EN2: variants seen among roughly 807,000 people sequenced by gnomAD.
EN2 encodes engrailed homeobox 2, also known as homeobox protein engrailed-2.
In EN2, 7 loss-of-function variants were observed where a neutral mutation model predicts 25.0. The ratio of observed to expected loss-of-function variants is 0.28; its 90% CI spans 0.16 to 0.53. The LOEUF is 0.53. Among genes scored for constraint, EN2 ranks in the 20% least tolerant of loss-of-function variants. The pLI, the probability that EN2 is intolerant of heterozygous loss-of-function variation, is 0.96. For synonymous variants in EN2, 277 were observed against 243.3 expected, an observed-to-expected ratio of 1.14 and a Z score of -1.29; for missense variants, 524 against 501.8, an observed-to-expected ratio of 1.04 and a Z score of -0.42.
rs778233183 is a variant in EN2, at chr7:155,462,403, C to G, written c.718C>G (p.Pro240Ala). 6.2e-7 allele frequency: 1 copy of G among 1,612,098 alleles called. No homozygotes were observed. The highest frequency in any genetic ancestry group is 1.1e-5 in the South Asian group (1 of 90,830). ...PRSRKPKKKN[P>A]NKEDKRPRTA... ...GTCTCGAAAACCAAAGAAGAAGAAC[C>G]CGAACAAAGAGGACAAGCGGCCGCG... Residue 240 changes from proline to alanine, a missense_variant, in exon 2 of 2, where the codon CCG becomes GCG. By Grantham distance (27) the Pro-to-Ala change is conservative. Coordinates refer to ENST00000297375, the MANE Select transcript of EN2 (RefSeq NM_001427.4).
At position 155,463,477 on chromosome 7, in the gene EN2, CTCCTCCTCCTTCCT is replaced by C. The variant is rs926736266; in HGVS notation, c.*801_*814del. ...CTCCTTTCTTCTTCTTTTTCTTCTC[CTCCTCCTCCTTCCT>C]TCCTCCTCCTCCTTCTCTTTCCTCC... On this transcript the variant is annotated 3_prime_UTR_variant, in exon 2 of 2. Transcript: ENST00000297375. 6.5e-6 allele frequency: 1 copy of C among 152,936 alleles called. No individual in the cohort carries two copies. Among genetic ancestry groups the C allele is most frequent in the African/African-American group, 2.4e-5 (1 of 41,094 alleles). 9.5% of individuals were successfully genotyped at this position (152,936 alleles called of 1,614,324 possible).
Position 155,458,548 on chromosome 7 carries a change from C to G in EN2, c.171C>G (p.Pro57=), listed in dbSNP as rs199573836. ...TGCTGCCCGCGGTCCTGCAGGCGCC[C>G]GGCAACCACCAGCACCCGCACCGCA... ...ALMLPAVLQA[P]GNHQHPHRIT... The change falls in exon 1 of 2, where the codon CCC becomes CCG. Residue 57 remains proline (P), a synonymous_variant. Transcript: ENST00000297375. The G allele has an allele frequency of 8.5e-4, 1,199 of 1,414,706 alleles. 6 individuals are homozygous for G. The highest frequency in any genetic ancestry group is 6.0e-4 in the Non-Finnish European group (649 of 1,079,310). The allele number at this position is 1,414,706 out of a possible 1,614,324, so 87.6% of individuals were successfully genotyped here. A position where few individuals can be genotyped will look rare whatever the true frequency, so the allele number is the denominator to read the frequency against.
chr7:155,463,084 A>G lies in EN2; in HGVS notation c.*397A>G, dbSNP rs1444577842. The G allele has an allele frequency of 6.1e-6, 1 of 163,450 alleles. No homozygotes were observed. Among genetic ancestry groups the G allele is most frequent in the Non-Finnish European group, 1.3e-5 (1 of 75,828 alleles). 10.1% of individuals were successfully genotyped at this position (163,450 alleles called of 1,614,324 possible). A position where few individuals can be genotyped will look rare whatever the true frequency, so the allele number is the denominator to read the frequency against. ...AAGATTTTTTATTGCTGCATTTCAC[A>G]CAACTGTGAACCGAATAAATAGCTC... On this transcript the variant is annotated 3_prime_UTR_variant, in exon 2 of 2. Coordinates refer to ENST00000297375, the MANE Select transcript of EN2 (RefSeq NM_001427.4).
At position 155,462,615 on chromosome 7, in the gene EN2, C is replaced by T. The variant is rs56008230; in HGVS notation, c.930C>T (p.Ala310=). The T allele has an allele frequency of 7.4e-5, 119 of 1,613,630 alleles. No individual in the cohort carries two copies. Among genetic ancestry groups the T allele is most frequent in the Admixed American group, 5.3e-4 (32 of 59,930 alleles). The change falls in exon 2 of 2, where the codon GCC becomes GCT. Residue 310 remains alanine, a synonymous_variant. Coordinates refer to ENST00000297375, the MANE Select transcript of EN2 (RefSeq NM_001427.4). Reference sequence around the variant, plus strand: ...CCACGGGCAACAAGAACACGCTGGCCGTGCACCTCATGGCACAGGGCTTGT... The same window carrying T: ...CCACGGGCAACAAGAACACGCTGGCTGTGCACCTCATGGCACAGGGCTTGT... ...KKATGNKNTL[A]VHLMAQGLYN...
intron 1 of EN2, among the ~76,000 whole-genome samples, chr7:155,460,585 CATTA>C (rs1795683737): frequency 6.6e-6 from 1 of 152,168 alleles, no homozygotes; most frequent in African/African-American, 2.4e-5. Context: ...TTCATGAGTG[CATTA>C]ACAAGAGCCC....
Position 155,459,215 on chromosome 7 carries a change from C to G in EN2, c.685+153C>G, listed in dbSNP as rs540646311. ...CTCACGCGACATTGTGTGAAGCTGA[C>G]GCCGGCCCGGGCAGCGGCCAGGAGT... On this transcript the variant is annotated intron_variant, in intron 1 of 1. Transcript: ENST00000297375. Among the ~76,000 whole-genome samples, 447 of 152,256 alleles carry G rather than the reference C, an allele frequency of 2.9e-3. 6 individuals carry two copies. Among genetic ancestry groups the G allele is most frequent in the Non-Finnish European group, 3.0e-3 (201 of 67,988 alleles).
Position 155,458,945 on chromosome 7 carries a change from G to A in EN2, c.568G>A (p.Asp190Asn). The change falls in exon 1 of 2, where the codon GAC becomes AAC. Residue 190 changes from aspartate (D) to asparagine (N), a missense_variant. Transcript: ENST00000297375. ...SLKARGLGGG[D>N]LSVSSDSDSS... is the part of the protein sequence containing the mutation. Reference sequence around the variant, plus strand: ...CAAGGCCCGCGGCTTGGGCGGCGGCGACCTGTCGGTGAGCTCGGACTCGGA... The same window carrying A: ...CAAGGCCCGCGGCTTGGGCGGCGGCAACCTGTCGGTGAGCTCGGACTCGGA... 1 of 1,521,950 alleles carries A rather than the reference G, an allele frequency of 6.6e-7. No individual in the cohort carries two copies. Among genetic ancestry groups the A allele is most frequent in the South Asian group, 1.2e-5 (1 of 83,034 alleles). 94.3% of individuals were successfully genotyped at this position (1,521,950 alleles called of 1,614,324 possible). A position where few individuals can be genotyped will look rare whatever the true frequency, so the allele number is the denominator to read the frequency against.
chr7:155,458,927 CGCGGCTTGG>C lies in EN2; in HGVS notation c.556_564del (p.Leu186_Gly188del). On this transcript the variant is annotated inframe_deletion, in exon 1 of 2. Transcript: ENST00000297375. The stretch of plus-strand genomic sequence containing the variant: ...CCCCCTGGACGGGTCGCTCAAGGCC[CGCGGCTTGG>C]GCGGCGGCGACCTGTCGGTGAGCTC... 1 of 1,516,692 alleles carries C rather than the reference CGCGGCTTGG, an allele frequency of 6.6e-7. No individual in the cohort carries two copies. The highest frequency in any genetic ancestry group is 8.8e-7 in the Non-Finnish European group (1 of 1,139,620). 94.0% of individuals were successfully genotyped at this position (1,516,692 alleles called of 1,614,324 possible). A position where few individuals can be genotyped will look rare whatever the true frequency, so the allele number is the denominator to read the frequency against.
At chr7:155,461,413 A>T (rs2116602238) in intron 1 of EN2, among the ~76,000 whole-genome samples, 1 of 152,286 alleles carries the variant, frequency 6.6e-6, no homozygotes, top group African/African-American at 2.4e-5. Flanking sequence ...CCCTTTCCCC[A>T]TGGATAGCAG....
intron 1 of EN2, among the ~76,000 whole-genome samples, chr7:155,459,558 C>T (rs2116600045): frequency 6.6e-6 from 1 of 152,378 alleles, no homozygotes; most frequent in African/African-American, 2.4e-5. Flanking sequence ...CCGGTTATCC[C>T]GGCTGTGCTC....
chr7:155,458,338 G>T lies in EN2; in HGVS notation c.-40G>T, dbSNP rs370541113. On this transcript the variant is annotated 5_prime_UTR_variant, in exon 1 of 2. Coordinates refer to ENST00000297375, the MANE Select transcript of EN2 (RefSeq NM_001427.4). ...GAGGGCCGAAGGCTGATTTGGAAGG[G>T]CGTCCCCGGAGAACCAGTGTGGGAT... 1,160 of 1,279,950 alleles carry T rather than the reference G, an allele frequency of 9.1e-4. 1 individual carries two copies. Among genetic ancestry groups the T allele is most frequent in the Non-Finnish European group, 1.1e-3 (1,078 of 1,006,122 alleles). 79.3% of individuals were successfully genotyped at this position (1,279,950 alleles called of 1,614,324 possible). A position where few individuals can be genotyped will look rare whatever the true frequency, so the allele number is the denominator to read the frequency against.
chr7:155,459,737 C>T (rs1232987010), intron 1 of EN2, among the ~76,000 whole-genome samples: 1 of 152,230 alleles, frequency 6.6e-6, no homozygotes, highest in African/African-American at 2.4e-5. Flanking sequence ...GGGCTCAGCC[C>T]CCTTCCTGCA....
rs367924841 is a variant in EN2 at position 155,462,674 on chromosome 7, C to G, written c.989C>G (p.Ser330Trp). The G allele has an allele frequency of 2.4e-5, 38 of 1,585,836 alleles. No homozygotes were observed. Among genetic ancestry groups the G allele is most frequent in the Admixed American group, 3.6e-5 (2 of 55,122 alleles). The change falls in exon 2 of 2, where the codon TCG (serine) becomes TGG (tryptophan). Residue 330 changes from serine to tryptophan, a missense_variant. Coordinates refer to ENST00000297375, the MANE Select transcript of EN2 (RefSeq NM_001427.4). ...TCCACCACAGCCAAGGAGGGCAAGTCGGACAGCGAGTAGGGCGGGGGGCAT... is the reference window on the plus strand; with the variant it reads ...TCCACCACAGCCAAGGAGGGCAAGTGGGACAGCGAGTAGGGCGGGGGGCAT... ...NHSTTAKEGKSDSE is the reference protein window; with the variant it reads ...NHSTTAKEGKWDSE
At chr7:155,459,173 G>A in intron 1 of EN2, 111 bp downstream of exon 1, 1 of 1,173,982 alleles carries the variant, frequency 8.5e-7, no homozygotes, top group Non-Finnish European at 1.1e-6. Context: ...AACCTCCCCC[G>A]CGCACACGCA....
chr7:155,458,614 C>T lies in EN2; in HGVS notation c.237C>T (p.Phe79=), dbSNP rs1223629586. 11 of 1,465,856 alleles carry T rather than the reference C, an allele frequency of 7.5e-6. No individual in the cohort carries two copies. In the African/African-American group the frequency reaches 1.2e-4, roughly 16 times the overall value. The allele number at this position is 1,465,856 out of a possible 1,614,324, so 90.8% of individuals were successfully genotyped here. A position where few individuals can be genotyped will look rare whatever the true frequency, so the allele number is the denominator to read the frequency against. The part of the protein sequence containing the change: ...FFIDNILRPE[F]GRRKDAGTCC... ...TCGACAACATCCTGCGGCCCGAGTT[C>T]GGCCGGCGAAAGGACGCGGGGACCT... The change falls in exon 1 of 2, where the codon TTC becomes TTT. Residue 79 remains phenylalanine, a synonymous_variant. Coordinates refer to ENST00000297375, the MANE Select transcript of EN2 (RefSeq NM_001427.4).
intron 1 of EN2, among the ~76,000 whole-genome samples, chr7:155,459,748 C>A (rs2116600227): frequency 6.6e-6 from 1 of 152,346 alleles, no homozygotes; most frequent in East Asian, 1.9e-4. Flanking sequence ...CCTTCCTGCA[C>A]ACAGCGAGGA....
At chr7:155,459,821 G>C (rs1465360499) in intron 1 of EN2, among the ~76,000 whole-genome samples, 1 of 152,272 alleles carries the variant, frequency 6.6e-6, no homozygotes, top group Admixed American at 6.5e-5. Context: ...CTTCTCTCAG[G>C]GTTTCCTGGG....
chr7:155,461,384 T>C (rs932683478), intron 1 of EN2, among the ~76,000 whole-genome samples: 1 of 152,210 alleles, frequency 6.6e-6, no homozygotes, highest in Non-Finnish European at 1.5e-5. Flanking sequence ...ACTTCCCTCC[T>C]TCTGCTCTCC....
chr7:155,458,779 A>C lies in EN2; in HGVS notation c.402A>C (p.Pro134=). Residue 134 remains proline (P), a synonymous_variant, in exon 1 of 2, where the codon CCA becomes CCC. Coordinates refer to ENST00000297375, the MANE Select transcript of EN2 (RefSeq NM_001427.4). The part of the protein sequence containing the change: ...SGSREPRQNP[P]CAPGAGGPLP... ...CCCGAGAGCCCCGGCAGAACCCGCC[A>C]TGTGCGCCCGGCGCGGGCGGGCCGC... 4.3e-6 allele frequency: 6 copies of C among 1,387,044 alleles called. No individual in the cohort carries two copies. Among genetic ancestry groups the C allele is most frequent in the Non-Finnish European group, 5.5e-6 (6 of 1,082,626 alleles). 85.9% of individuals were successfully genotyped at this position (1,387,044 alleles called of 1,614,324 possible). A position where few individuals can be genotyped will look rare whatever the true frequency, so the allele number is the denominator to read the frequency against.
Sources: gnomAD v4.1 joint callset for allele counts (sites outside exome capture counted in the v4.1 genomes callset) on GRCh38, gnomAD v4.1.1 for gene constraint, MANE v1.5 for transcripts, NCBI Gene and HGNC (gene_info 2026-07-23, HGNC 2026-07-21) for gene names.